SGSM2: variants seen among roughly 807,000 people sequenced by gnomAD.
SGSM2 encodes RUN and TBC1 domain containing 1.
Under a neutral mutation model 126.6 loss-of-function variants are expected in SGSM2, and 89 were observed. The observed-to-expected ratio is 0.70, with a 90% CI of 0.59 to 0.84. The LOEUF is 0.84. Ranked by LOEUF, SGSM2 falls within the 40% of genes least tolerant of loss-of-function variation. The probability of loss-of-function intolerance (pLI) is 0.00; values close to 1 mark genes in which losing one functional copy is unlikely to be tolerated. For synonymous variants in SGSM2, 614 were observed against 574.3 expected (o/e 1.07, Z -0.99); for missense variants, 1,404 against 1,416.6 (o/e 0.99, Z 0.14).
intron 11 of SGSM2, among the ~76,000 whole-genome samples, chr17:2,366,173 G>A (rs1157185016): frequency 2.0e-5 from 3 of 152,196 alleles, no homozygotes; most frequent in Non-Finnish European, 4.4e-5. Context: ...GGCTGCCTGG[G>A]GGCTTTGGGC....
chr17:2,352,881 C>G (rs2064924591), intron 2 of SGSM2, among the ~76,000 whole-genome samples: 1 of 136,860 alleles, frequency 7.3e-6, no homozygotes, highest in Non-Finnish European at 1.6e-5. Context: ...GGGTTCACGC[C>G]ATTCTCCTGC....
Position 2,377,853 on chromosome 17 carries a change from T to C in SGSM2, c.2803-4T>C, listed in dbSNP as rs544131558. 6.3e-7 allele frequency: 1 copy of C among 1,599,498 alleles called. No homozygotes were observed. The highest frequency in any genetic ancestry group is 1.1e-5 in the South Asian group (1 of 90,800). On this transcript the variant is annotated splice_region_variant and splice_polypyrimidine_tract_variant and intron_variant, in intron 21 of 23. Transcript: ENST00000268989. ...GCCTCTCTCCCTTTTCCCACCCACA[T>C]AAGATCCTGGACTCAGAGCTGTTTG...
In SGSM2 at chr17:2,365,219, A is replaced by G; in HGVS notation, c.1166A>G (p.Lys389Arg). Reference sequence around the variant, plus strand: ...CACCTACCCCTCCTTCCACAGGGGAAAGTGTTCCCCAAGCTACGGAAACGA... The same window carrying G: ...CACCTACCCCTCCTTCCACAGGGGAGAGTGTTCCCCAAGCTACGGAAACGA... ...PPLWTQQGKG[K>R]VFPKLRKRSS... is the part of the protein sequence containing the mutation. Residue 389 changes from lysine to arginine, a missense_variant, in exon 11 of 24, where the codon AAA becomes AGA. Transcript: ENST00000268989. 4.3e-6 allele frequency: 7 copies of G among 1,611,378 alleles called. No homozygotes were observed. Among genetic ancestry groups the G allele is most frequent in the Non-Finnish European group, 5.9e-6 (7 of 1,178,342 alleles).
At chr17:2,340,735 C>T (rs975542163) in intron 1 of SGSM2, among the ~76,000 whole-genome samples, 2 of 151,978 alleles carry the variant, frequency 1.3e-5, no homozygotes, top group South Asian at 2.1e-4. Context: ...CAGGCGCCTG[C>T]CACCACGCCC....
At chr17:2,361,254 G>T (rs181681132) in intron 2 of SGSM2, among the ~76,000 whole-genome samples, 1 of 152,128 alleles carries the variant, frequency 6.6e-6, no homozygotes, top group East Asian at 1.9e-4. Context: ...CGCATCCTCC[G>T]TGCCCTCCAG....
intron 16 of SGSM2, 112 bp from the exon 17 acceptor site, chr17:2,373,219 A>G: frequency 6.5e-7 from 1 of 1,537,908 alleles, no homozygotes; most frequent in South Asian, 1.2e-5. Flanking sequence ...CCTTACCCTG[A>G]GGCCCGTCTT....
At position 2,343,604 on chromosome 17, in the gene SGSM2, C is replaced by A. The variant is rs1444749048; in HGVS notation, c.117C>A (p.His39Gln). 2 of 1,614,016 alleles carry A rather than the reference C, an allele frequency of 1.2e-6. No individual in the cohort carries two copies. Among genetic ancestry groups the A allele is most frequent in the Non-Finnish European group, 1.7e-6 (2 of 1,180,012 alleles). The change falls in exon 2 of 24, where the codon CAC (histidine) becomes CAA (glutamine). Residue 39 changes from histidine to glutamine, a missense_variant. Transcript: ENST00000268989. ...TRKFVHEDSS[H>Q]IIALCGAVEA... The stretch of plus-strand genomic sequence containing the variant: ...AGTTTGTGCATGAAGACAGCAGCCA[C>A]ATCATTGCTTTATGTGGTGAGTGAG...
intron 2 of SGSM2, among the ~76,000 whole-genome samples, chr17:2,347,644 C>CT (rs751104634): frequency 1.8e-3 from 248 of 140,412 alleles, no homozygotes; most frequent in African/African-American, 3.5e-3. Context: ...TTTGTTTTTT[C>CT]TTTTTTTTTT....
intron 2 of SGSM2, among the ~76,000 whole-genome samples, chr17:2,360,075 C>A (rs1597348752): frequency 6.6e-6 from 1 of 152,274 alleles, no homozygotes; most frequent in South Asian, 2.1e-4. Context: ...GGGCGCGGTG[C>A]CTCACGCCTG....
chr17:2,376,628 A>G lies in SGSM2; in HGVS notation c.2610-105A>G, dbSNP rs1597396034. ...CAGTACATGCCTTAGGGTCGTGGAA[A>G]GGCTGACTTCTGGGCGGCAGGTGGC... On this transcript the variant is annotated intron_variant, in intron 19 of 23. Coordinates refer to ENST00000268989, the MANE Select transcript of SGSM2 (RefSeq NM_014853.3). 4.0e-6 allele frequency: 5 copies of G among 1,245,620 alleles called. No individual in the cohort carries two copies. The South Asian group carries it at 6.3e-5, about 16-fold the overall frequency. 77.2% of individuals were successfully genotyped at this position (1,245,620 alleles called of 1,614,324 possible).
At chr17:2,378,046 T>G (rs1337982402) in intron 22 of SGSM2, 93 bp downstream of exon 22, 15 of 770,644 alleles carry the variant, frequency 1.9e-5, no homozygotes, top group Non-Finnish European at 2.8e-5. Context: ...AACTGGACCT[T>G]GGAACCACCT....
chr17:2,375,781 T>A lies in SGSM2; in HGVS notation c.2390T>A (p.Leu797Ter). The part of the protein sequence containing the change: ...SSGPGPAAHT[L>*]REPQDPSQEK... ...GGGCCCGGCCCTGCAGCTCACACTT[T>A]GAGGGAGCCCCAGGATCCCAGCCAG... is the stretch of plus-strand genomic sequence containing the variant. The change falls in exon 18 of 24, where the codon TTG becomes TAG. Residue 797 changes from leucine to a stop codon, truncating the protein, a stop_gained. Transcript: ENST00000268989. LOFTEE classifies it high-confidence loss of function. 6.3e-7 allele frequency: 1 copy of A among 1,584,922 alleles called. No individual in the cohort carries two copies. Among genetic ancestry groups the A allele is most frequent in the Non-Finnish European group, 8.6e-7 (1 of 1,164,990 alleles).
chr17:2,374,639 T>A (rs1472012392), intron 17 of SGSM2: 1 of 152,210 alleles, frequency 6.6e-6, no homozygotes, highest in Non-Finnish European at 1.5e-5. Flanking sequence ...TCCCACGTGC[T>A]TTGTTCTTAA....
chr17:2,354,419 T>C (rs1483461573), intron 2 of SGSM2, among the ~76,000 whole-genome samples: 1 of 152,238 alleles, frequency 6.6e-6, no homozygotes, highest in Non-Finnish European at 1.5e-5. Context: ...AAAGGTGTCA[T>C]GCAATTATAC....
Position 2,341,439 on chromosome 17 carries a change from T to C in SGSM2, c.58-2106T>C, listed in dbSNP as rs577253870. ...TGCATTAATTGATCTGATCCCCTTT[T>C]ACCTGAGCACTAACCATTAGCAGTT... On this transcript the variant is annotated intron_variant, in intron 1 of 23. Coordinates refer to ENST00000268989, the MANE Select transcript of SGSM2 (RefSeq NM_014853.3). Among the ~76,000 whole-genome samples, 57 of 152,314 alleles carry C rather than the reference T, an allele frequency of 3.7e-4. 2 individuals are homozygous for C. The South Asian group carries it at 7.5e-3, about 20-fold the overall frequency.
Position 2,380,702 on chromosome 17 carries a change from C to A in SGSM2, c.*1182C>A. ...CCCAACACATGCAGGCTAGGCCTTG[C>A]CCTGGAACATGGAGGCCCTGCCCGG... On this transcript the variant is annotated 3_prime_UTR_variant, in exon 24 of 24. Coordinates refer to ENST00000268989, the MANE Select transcript of SGSM2 (RefSeq NM_014853.3). 1 of 269,448 alleles carries A rather than the reference C, an allele frequency of 3.7e-6. No individual in the cohort carries two copies. Among genetic ancestry groups the A allele is most frequent in the East Asian group, 1.0e-4 (1 of 9,826 alleles). The allele number at this position is 269,448 out of a possible 1,614,324, so 16.7% of individuals were successfully genotyped here.
intron 8 of SGSM2, 77 bp from the exon 9 acceptor site, chr17:2,364,519 G>A: frequency 1.3e-6 from 2 of 1,512,292 alleles, no homozygotes. Flanking sequence ...TCGTGGGGTG[G>A]TAGGACCAGG....
rs1404726367 is a variant in SGSM2, at chr17:2,375,541, A to G, written c.2150A>G (p.Glu717Gly). The change falls in exon 18 of 24, where the codon GAA becomes GGA. Residue 717 changes from glutamate (E) to glycine (G), a missense_variant. Transcript: ENST00000268989. ...DLEPPEPQDP[E>G]DSRPKPEQEA... ...GAACCCCCGGAGCCCCAGGACCCTG[A>G]AGATTCCAGACCAAAACCTGAGCAG... 1.2e-6 allele frequency: 2 copies of G among 1,613,520 alleles called. No individual in the cohort carries two copies. The highest frequency in any genetic ancestry group is 2.7e-5 in the African/African-American group (2 of 74,900).
At chr17:2,359,963 G>A (rs1258944208) in intron 2 of SGSM2, among the ~76,000 whole-genome samples, 2 of 152,182 alleles carry the variant, frequency 1.3e-5, no homozygotes, top group African/African-American at 2.4e-5. Context: ...AGGGTCATTC[G>A]CCTGTATATC....
Sources: gnomAD v4.1 joint callset for allele counts (sites outside exome capture counted in the v4.1 genomes callset) on GRCh38, gnomAD v4.1.1 for gene constraint, MANE v1.5 for transcripts, NCBI Gene and HGNC (gene_info 2026-07-23, HGNC 2026-07-21) for gene names.